STK4: variants seen among roughly 807,000 people sequenced by gnomAD.
STK4 encodes serine/threonine-protein kinase 4.
Under a neutral mutation model 64.9 loss-of-function variants are expected in STK4, and 30 were observed. That is an observed-to-expected ratio of 0.46 (90% CI 0.35 to 0.63). The LOEUF is 0.63. Among genes scored for constraint, STK4 ranks in the 20% least tolerant of loss-of-function variants. STK4 has a pLI of 0.01. For synonymous variants in STK4, 177 were observed against 199.0 expected, an observed-to-expected ratio of 0.89 and a Z score of 0.93; for missense variants, 466 against 598.5, an observed-to-expected ratio of 0.78 and a Z score of 2.31.
intron 1 of STK4, among the ~76,000 whole-genome samples, chr20:44,970,832 GTTTGT>G (rs1202095839): frequency 2.0e-5 from 3 of 151,390 alleles, no homozygotes; most frequent in African/African-American, 7.3e-5. Context: ...GTTTTTGTTG[GTTTGT>G]TTTATTTTTT....
chr20:45,025,324 G>A (rs772988436), intron 10 of STK4, among the ~76,000 whole-genome samples, 194 bp downstream of exon 10: 1 of 152,164 alleles, frequency 6.6e-6, no homozygotes, highest in East Asian at 1.9e-4. Flanking sequence ...CATCTTTTTC[G>A]CTTTCGAAGT....
intron 10 of STK4, among the ~76,000 whole-genome samples, chr20:45,029,008 C>G (rs369695274): frequency 6.6e-6 from 1 of 152,310 alleles, no homozygotes; most frequent in African/African-American, 2.4e-5. Flanking sequence ...TCTTCTAAAT[C>G]TGAGGTCATA....
Position 44,984,175 on chromosome 20 carries a change from T to C in STK4, c.360+2232T>C, listed in dbSNP as rs2067488202. ...TTAATTACTAAGTGCTGGTTTTTTG[T>C]TGTTGTCGTTGTTTTTTTTTTTTTT... is the stretch of plus-strand genomic sequence containing the variant. On this transcript the variant is annotated intron_variant, in intron 4 of 10. Transcript: ENST00000372806. Among the ~76,000 whole-genome samples the C allele has an allele frequency of 2.1e-5, 3 of 141,160 alleles. No homozygotes were observed. In the South Asian group the frequency reaches 6.6e-4, roughly 31 times the overall value. 92.6% of individuals were successfully genotyped at this position (141,160 alleles called of 152,430 possible). A position where few individuals can be genotyped will look rare whatever the true frequency, so the allele number is the denominator to read the frequency against.
At chr20:44,971,342 T>C (rs964170673) in intron 1 of STK4, among the ~76,000 whole-genome samples, 3 of 152,216 alleles carry the variant, frequency 2.0e-5, no homozygotes, top group Non-Finnish European at 2.9e-5. Context: ...TGTGAGAATA[T>C]CTGAAACTCA....
intron 10 of STK4, among the ~76,000 whole-genome samples, chr20:45,027,670 CTA>C (rs1469242395): frequency 2.9e-4 from 44 of 152,002 alleles, no homozygotes; most frequent in African/African-American, 1.0e-3. Flanking sequence ...AAATTATTAA[CTA>C]TAATTTTCCT....
At chr20:45,067,767 A>C (rs1391306292) in intron 10 of STK4, among the ~76,000 whole-genome samples, 1 of 152,214 alleles carries the variant, frequency 6.6e-6, no homozygotes, top group Non-Finnish European at 1.5e-5. Flanking sequence ...AGAGTTGCTA[A>C]GGTGATTTAT....
intron 3 of STK4, among the ~76,000 whole-genome samples, 166 bp downstream of exon 3, chr20:44,978,737 T>G (rs1466283568): frequency 1.3e-5 from 2 of 152,132 alleles, no homozygotes; most frequent in South Asian, 2.1e-4. Flanking sequence ...TGATAATGGT[T>G]GTTTTTGTAG....
At chr20:44,973,989 G>A (rs952214829) in intron 2 of STK4, 16 of 152,110 alleles carry the variant, frequency 1.1e-4, no homozygotes, top group African/African-American at 3.6e-4. Context: ...GAATGTCAAA[G>A]GAAGACTATA....
chr20:45,013,493 A>C (rs1368534782), intron 9 of STK4, among the ~76,000 whole-genome samples: 1 of 152,120 alleles, frequency 6.6e-6, no homozygotes, highest in Non-Finnish European at 1.5e-5. Flanking sequence ...TGTGCTATAC[A>C]CATTTATTTT....
intron 9 of STK4, among the ~76,000 whole-genome samples, chr20:45,011,675 A>G (rs116023329): frequency 0.028 from 3,937 of 139,884 alleles, 181 homozygotes; most frequent in African/African-American, 0.094. Context: ...ATTCTTGTGT[A>G]GAACTGATTT....
chr20:45,063,606 AT>A (rs1979289255), intron 10 of STK4, among the ~76,000 whole-genome samples: 2 of 151,856 alleles, frequency 1.3e-5, no homozygotes, highest in Non-Finnish European at 2.9e-5. Flanking sequence ...ATTTGGTTTC[AT>A]TTGTTGATTT....
intron 10 of STK4, among the ~76,000 whole-genome samples, chr20:45,060,695 G>T (rs1302180342): frequency 6.6e-6 from 1 of 152,140 alleles, no homozygotes; most frequent in African/African-American, 2.4e-5. Context: ...CTGTTGTGAG[G>T]ATTACTCGAG....
chr20:45,015,736 T>C (rs1409989804), intron 9 of STK4, among the ~76,000 whole-genome samples: 1 of 152,234 alleles, frequency 6.6e-6, no homozygotes, highest in Non-Finnish European at 1.5e-5. Flanking sequence ...GGTCAGGTTC[T>C]TTCTTTTTTG....
intron 9 of STK4, among the ~76,000 whole-genome samples, chr20:45,018,725 C>CT (rs11481831): frequency 0.16 from 22,958 of 140,308 alleles, 1,931 homozygotes; most frequent in East Asian, 0.23. Flanking sequence ...TAAAGTTCTA[C>CT]TTTTTTTTTT....
chr20:44,987,417 ATC>A, intron 5 of STK4, 121 bp downstream of exon 5: 1 of 988,562 alleles, frequency 1.0e-6, no homozygotes, highest in Non-Finnish European at 1.5e-6. Context: ...AAATCACAGA[ATC>A]TGCCAATAGG....
intron 9 of STK4, among the ~76,000 whole-genome samples, chr20:45,010,370 A>G (rs890251141): frequency 3.3e-5 from 5 of 152,028 alleles, no homozygotes; most frequent in Non-Finnish European, 4.4e-5. Context: ...CGGCCTCCCA[A>G]TTATTTATTA....
intron 10 of STK4, among the ~76,000 whole-genome samples, chr20:45,032,924 G>A (rs747297009): frequency 2.0e-5 from 3 of 152,162 alleles, no homozygotes; most frequent in Middle Eastern, 3.4e-3. Flanking sequence ...CTGCAACCTC[G>A]CCAGCATCTG....
chr20:44,978,585 G>T lies in STK4; in HGVS notation c.245+14G>T. On this transcript the variant is annotated intron_variant, in intron 3 of 10. Coordinates refer to ENST00000372806, the MANE Select transcript of STK4 (RefSeq NM_006282.5). ...GCAATGTGACAGGTAAAGGCATGTGGGCTTCCTTTGGGGAGAATGTGGTTT... is the reference window on the plus strand; with the variant it reads ...GCAATGTGACAGGTAAAGGCATGTGTGCTTCCTTTGGGGAGAATGTGGTTT... 1 of 1,612,928 alleles carries T rather than the reference G, an allele frequency of 6.2e-7. No individual in the cohort carries two copies. Among genetic ancestry groups the T allele is most frequent in the Non-Finnish European group, 8.5e-7 (1 of 1,179,512 alleles).
chr20:45,006,302 A>G (rs1237153101), intron 9 of STK4, among the ~76,000 whole-genome samples: 4 of 145,238 alleles, frequency 2.8e-5, no homozygotes, highest in Non-Finnish European at 3.0e-5. Flanking sequence ...TGGTCTTGCT[A>G]TGTTGTCCAG....
Sources: allele counts gnomAD v4.1 joint callset (sites outside exome capture counted in the v4.1 genomes callset), GRCh38; gene constraint gnomAD v4.1.1; transcripts MANE v1.5; gene names NCBI Gene and HGNC (gene_info 2026-07-23, HGNC 2026-07-21).